PCSK6: variants seen among roughly 807,000 people sequenced by gnomAD.
The protein encoded by PCSK6 is paired basic amino acid cleaving enzyme 4.
A neutral mutation model predicts 123.3 loss-of-function variants in PCSK6; 85 were observed. The ratio of observed to expected loss-of-function variants is 0.69; its 90% CI spans 0.58 to 0.83. The LOEUF (loss-of-function observed/expected upper bound fraction) is 0.83, where lower values mean the gene tolerates loss of function less well. Among genes scored for constraint, PCSK6 ranks in the 40% least tolerant of loss-of-function variants. The pLI, the probability that PCSK6 is intolerant of heterozygous loss-of-function variation, is 0.00. For synonymous variants in PCSK6, 508 were observed against 516.0 expected (o/e 0.98, Z 0.21); for missense variants, 1,191 against 1,282.3 (o/e 0.93, Z 1.09).
chr15:101,326,523 T>G, intron 15 of PCSK6, 44 bp from the exon 16 acceptor site: 2 of 1,504,426 alleles, frequency 1.3e-6, no homozygotes, highest in Non-Finnish European at 9.1e-7. Flanking sequence ...AGACGCCTTC[T>G]CCATCTACTG....
intron 1 of PCSK6, among the ~76,000 whole-genome samples, chr15:101,486,951 G>T (rs540794397): frequency 3.3e-5 from 5 of 152,350 alleles, no homozygotes; most frequent in African/African-American, 1.2e-4. Flanking sequence ...TGCGTACCAT[G>T]TGAACACAAA....
At chr15:101,477,506 C>T (rs780852941) in intron 1 of PCSK6, among the ~76,000 whole-genome samples, 6 of 152,212 alleles carry the variant, frequency 3.9e-5, no homozygotes, top group Non-Finnish European at 7.3e-5. Flanking sequence ...AGTGTGCACG[C>T]ACACACTCAG....
At chr15:101,418,460 C>T (rs766288281) in intron 6 of PCSK6, among the ~76,000 whole-genome samples, 1 of 150,248 alleles carries the variant, frequency 6.7e-6, no homozygotes, top group Non-Finnish European at 1.5e-5. Context: ...ATCAAAACAA[C>T]AATACTCATG....
chr15:101,416,021 C>T (rs34210638), intron 6 of PCSK6, among the ~76,000 whole-genome samples: 1 of 152,092 alleles, frequency 6.6e-6, no homozygotes, highest in African/African-American at 2.4e-5. Context: ...GAAAAGATAC[C>T]CCAAAATGTG....
intron 19 of PCSK6, among the ~76,000 whole-genome samples, chr15:101,317,842 T>TA (rs900573856): frequency 1.3e-4 from 20 of 152,134 alleles, no homozygotes; most frequent in African/African-American, 3.6e-4. Flanking sequence ...AACATGGTTT[T>TA]AAAAAAAATT....
rs547353000 is a variant in PCSK6 at position 101,382,070 on chromosome 15, C to T, written c.1532+22G>A. 3.8e-5 allele frequency: 59 copies of T among 1,544,484 alleles called. No individual in the cohort carries two copies. In the South Asian group the frequency reaches 5.7e-4, roughly 15 times the overall value. ...CAAACCCACGTGCCTGAGAAGTCAC[C>T]GATGCCACAGCAGAGCCTTACCTGG... On this transcript the variant is annotated intron_variant, in intron 11 of 21. Coordinates refer to ENST00000611716, the MANE Select transcript of PCSK6 (RefSeq NM_002570.5).
intron 1 of PCSK6, among the ~76,000 whole-genome samples, chr15:101,466,528 A>G (rs1473684125): frequency 6.6e-6 from 1 of 152,224 alleles, no homozygotes; most frequent in Non-Finnish European, 1.5e-5. Flanking sequence ...ACATACGTCC[A>G]CATACAACTT....
intron 17 of PCSK6, among the ~76,000 whole-genome samples, chr15:101,324,325 C>A (rs2040198534): frequency 6.6e-6 from 1 of 152,246 alleles, no homozygotes; most frequent in Admixed American, 6.5e-5. Context: ...ACATCTGACT[C>A]CCAATTTCAT....
chr15:101,438,598 C>T (rs1260554227), intron 2 of PCSK6, among the ~76,000 whole-genome samples: 1 of 152,242 alleles, frequency 6.6e-6, no homozygotes, highest in Non-Finnish European at 1.5e-5. Context: ...ATCCGCACAG[C>T]AGCGTCAGTC....
At chr15:101,354,394 G>A (rs1205490396) in intron 13 of PCSK6, among the ~76,000 whole-genome samples, 1 of 152,190 alleles carries the variant, frequency 6.6e-6, no homozygotes, top group Non-Finnish European at 1.5e-5. Flanking sequence ...CACACGTCCA[G>A]TAACTGTCTA....
Position 101,398,376 on chromosome 15 carries a change from G to A in PCSK6, c.996+28C>T, listed in dbSNP as rs749199320. The A allele has an allele frequency of 2.7e-5, 42 of 1,583,608 alleles. No individual in the cohort carries two copies. The highest frequency in any genetic ancestry group is 3.0e-5 in the Non-Finnish European group (35 of 1,160,020). On this transcript the variant is annotated intron_variant, in intron 7 of 21. Transcript: ENST00000611716. The surrounding 1 kb of genome is among the most constrained non-coding windows in gnomAD (Gnocchi z 4.6). Reference sequence around the variant, plus strand: ...TTTACTGTCACCCTTGTCCCAGAGCGCTCCCCTGTAGCCCTGGTTACTCAC... The same window carrying A: ...TTTACTGTCACCCTTGTCCCAGAGCACTCCCCTGTAGCCCTGGTTACTCAC...
At chr15:101,380,586 C>T (rs563171070) in intron 11 of PCSK6, among the ~76,000 whole-genome samples, 2 of 152,214 alleles carry the variant, frequency 1.3e-5, no homozygotes, top group Non-Finnish European at 2.9e-5. Context: ...GCCGACCTGT[C>T]GGGGCCTGCA....
intron 2 of PCSK6, among the ~76,000 whole-genome samples, chr15:101,435,379 T>C (rs147947940): frequency 6.6e-6 from 1 of 152,238 alleles, no homozygotes; most frequent in African/African-American, 2.4e-5. Context: ...CTAGATGACA[T>C]CTGTTGACTT....
At chr15:101,424,185 T>C (rs1248408405) in intron 6 of PCSK6, among the ~76,000 whole-genome samples, 2 of 150,998 alleles carry the variant, frequency 1.3e-5, no homozygotes, top group African/African-American at 2.4e-5. Flanking sequence ...CAGTGAGCTA[T>C]GATTATGCCA....
intron 7 of PCSK6, among the ~76,000 whole-genome samples, chr15:101,397,793 G>C (rs1002810721): frequency 1.3e-5 from 2 of 152,226 alleles, no homozygotes; most frequent in Admixed American, 6.5e-5. Context: ...AAAGACCACA[G>C]AGTGGCTGGC....
rs533023341 is a variant in PCSK6, at chr15:101,432,072, T to C, written c.431A>G (p.Lys144Arg). Reference sequence around the variant, plus strand: ...TCGCACCTGTCTCTTCACCCTTCGTTTCACTTCCTGTTGCTGGAGCCATTT... The same window carrying C: ...TCGCACCTGTCTCTTCACCCTTCGTCTCACTTCCTGTTGCTGGAGCCATTT... ...QVKWLQQQEV[K>R]RRVKRQVRSD... Residue 144 changes from lysine (K) to arginine (R), a missense_variant, in exon 3 of 22, where the codon AAA (lysine) becomes AGA (arginine). By Grantham distance (26) the Lys-to-Arg change is conservative. Coordinates refer to ENST00000611716, the MANE Select transcript of PCSK6 (RefSeq NM_002570.5). 4.2e-5 allele frequency: 68 copies of C among 1,613,678 alleles called. No individual in the cohort carries two copies. In the South Asian group the frequency reaches 7.3e-4, roughly 17 times the overall value.
At chr15:101,368,702 C>T (rs1393029280) in intron 12 of PCSK6, among the ~76,000 whole-genome samples, 3 of 152,118 alleles carry the variant, frequency 2.0e-5, no homozygotes, top group African/African-American at 7.2e-5. Flanking sequence ...AACGGAGAGC[C>T]CGTTGCTGGC....
intron 13 of PCSK6, among the ~76,000 whole-genome samples, chr15:101,351,178 C>T (rs1040744483): frequency 1.4e-4 from 22 of 152,174 alleles, no homozygotes; most frequent in African/African-American, 4.1e-4. Context: ...TTGGCCATGG[C>T]GGGATATTCC....
At chr15:101,358,754 C>T (rs1364639409) in intron 13 of PCSK6, among the ~76,000 whole-genome samples, 4 of 152,224 alleles carry the variant, frequency 2.6e-5, no homozygotes, top group African/African-American at 7.2e-5. Context: ...TGGAAAGGGC[C>T]GCTTGGCCTT....
Sources: gnomAD v4.1 joint callset for allele counts (sites outside exome capture counted in the v4.1 genomes callset) on GRCh38, gnomAD v4.1.1 for gene constraint, Gnocchi (gnomAD v3.1) non-coding constraint, MANE v1.5 for transcripts, NCBI Gene and HGNC (gene_info 2026-07-23, HGNC 2026-07-21) for gene names.